The following VRK2 variants were observed in gnomAD, a reference collection of about 807,000 sequenced individuals.
VRK2 encodes VRK serine/threonine kinase 2, also known as serine/threonine-protein kinase VRK2.
A neutral mutation model predicts 57.6 loss-of-function variants in VRK2; 60 were observed. The ratio of observed to expected loss-of-function variants is 1.04; its 90% CI spans 0.85 to 1.29. VRK2 has a LOEUF of 1.29. VRK2 is among the 50% of genes most tolerant of loss of function. VRK2 has a pLI of 0.00. For synonymous variants in VRK2, 231 were observed against 199.2 expected (o/e 1.16, Z -1.35); for missense variants, 705 against 588.1 (o/e 1.20, Z -2.06).
At chr2:58,069,068 G>C (rs572977989) in intron 2 of VRK2, among the ~76,000 whole-genome samples, 1 of 151,798 alleles carries the variant, frequency 6.6e-6, no homozygotes, top group African/African-American at 2.4e-5. Context: ...CTGCTTCTTT[G>C]TATGCCTAGT....
rs538436376 is a variant in VRK2, at chr2:58,109,579, A to G, written c.544-13522A>G. Among the ~76,000 whole-genome samples, 171 of 152,320 alleles carry G rather than the reference A, an allele frequency of 1.1e-3. 1 individual carries two copies. The highest frequency in any genetic ancestry group is 3.9e-3 in the African/African-American group (164 of 41,564). On this transcript the variant is annotated intron_variant, in intron 7 of 12. Transcript: ENST00000340157. The stretch of plus-strand genomic sequence containing the variant: ...ATATGTCCTTCTTCACATGCTGGCA[A>G]GAGAGAAGTGCTGAGGGAAAGGGTG...
chr2:58,033,762 T>C (rs965987646), intron 3 of VRK2: 2 of 152,044 alleles, frequency 1.3e-5, no homozygotes, highest in East Asian at 3.9e-4. Flanking sequence ...GGTTTGATTC[T>C]TCAAAGAAGC....
intron 1 of VRK2, among the ~76,000 whole-genome samples, chr2:57,919,269 G>C (rs548614838): frequency 6.6e-6 from 1 of 152,038 alleles, no homozygotes; most frequent in East Asian, 1.9e-4. Context: ...TAAGTAGTTT[G>C]TTCCTTATTT....
chr2:58,017,121 T>C lies in VRK2; in HGVS notation c.-438-8544T>C, dbSNP rs184763941. 8.4e-4 allele frequency among the ~76,000 whole-genome samples: 128 copies of C among 152,270 alleles called. 2 individuals carry two copies. The highest frequency in any genetic ancestry group is 1.0e-3 in the Non-Finnish European group (70 of 68,010). On this transcript the variant is annotated intron_variant, in intron 1 of 15. Coordinates refer to the VRK2 transcript ENST00000417641. ...GAATTTCTGGGGAGCAGTCACAGGA[T>C]AGAAAACCCTCCACTTTGGTAAGAG...
At chr2:57,999,298 T>C (rs1280393253) in intron 1 of VRK2, among the ~76,000 whole-genome samples, 1 of 152,194 alleles carries the variant, frequency 6.6e-6, no homozygotes, top group Non-Finnish European at 1.5e-5. Context: ...TCCTTCTTTG[T>C]TTGTGTTTAC....
At chr2:58,094,748 ATTAG>A (rs1558628713) in intron 7 of VRK2, among the ~76,000 whole-genome samples, 1 of 152,096 alleles carries the variant, frequency 6.6e-6, no homozygotes, top group East Asian at 1.9e-4. Context: ...CTTCAGTAAT[ATTAG>A]TTGTTACTTT....
chr2:58,103,554 A>C (rs1674319179), intron 7 of VRK2, among the ~76,000 whole-genome samples: 2 of 151,930 alleles, frequency 1.3e-5, no homozygotes, highest in South Asian at 4.1e-4. Flanking sequence ...GAAGAAATAG[A>C]AATCCTGAAG....
chr2:57,939,282 T>C (rs1671016511), intron 1 of VRK2, among the ~76,000 whole-genome samples: 1 of 152,206 alleles, frequency 6.6e-6, no homozygotes, highest in South Asian at 2.1e-4. Context: ...AGCACTTTCA[T>C]TGTCTTTTCC....
At chr2:58,089,777 A>G (rs374584279) in intron 7 of VRK2, 54 bp downstream of exon 7, 1 of 1,288,008 alleles carries the variant, frequency 7.8e-7, no homozygotes, top group Non-Finnish European at 1.1e-6. Flanking sequence ...AAACTGAAAC[A>G]TTCAGAAAAC....
At chr2:58,041,087 G>A in intron 3 of VRK2, 1 of 984,572 alleles carries the variant, frequency 1.0e-6, no homozygotes, top group Non-Finnish European at 1.2e-6. Context: ...GAAAAAGGAT[G>A]TAGAGTGTAA....
At chr2:58,153,396 T>C (rs1316262187) in intron 12 of VRK2, among the ~76,000 whole-genome samples, 1 of 152,084 alleles carries the variant, frequency 6.6e-6, no homozygotes, top group Non-Finnish European at 1.5e-5. Context: ...CCTCCATTTC[T>C]AATGTACTAA....
intron 1 of VRK2, among the ~76,000 whole-genome samples, chr2:57,932,802 T>C (rs1017779519): frequency 2.6e-5 from 4 of 152,156 alleles, no homozygotes; most frequent in African/African-American, 4.8e-5. Flanking sequence ...ATATTTTTCT[T>C]TGTTCTTCAT....
At chr2:58,015,097 G>C (rs915305998) in intron 1 of VRK2, among the ~76,000 whole-genome samples, 1 of 152,022 alleles carries the variant, frequency 6.6e-6, no homozygotes, top group African/African-American at 2.4e-5. Context: ...TTTTATCCTG[G>C]TAGTGGCTAT....
intron 1 of VRK2, among the ~76,000 whole-genome samples, chr2:57,963,065 T>C (rs1671808985): frequency 6.6e-6 from 1 of 152,200 alleles, no homozygotes; most frequent in Non-Finnish European, 1.5e-5. Context: ...AATTGAGAAT[T>C]TGAATAGATA....
chr2:58,110,415 G>A (rs904123059), intron 7 of VRK2, among the ~76,000 whole-genome samples: 2 of 151,952 alleles, frequency 1.3e-5, no homozygotes, highest in African/African-American at 4.8e-5. Context: ...ATAACTATAT[G>A]ACAAAAAGGG....
At chr2:58,153,578 ATAT>A (rs1173303799) in intron 12 of VRK2, among the ~76,000 whole-genome samples, 2 of 152,048 alleles carry the variant, frequency 1.3e-5, no homozygotes, top group East Asian at 1.9e-4. Flanking sequence ...TCGTCATTTT[ATAT>A]TATTCTTTTT....
intron 1 of VRK2, among the ~76,000 whole-genome samples, chr2:58,002,320 T>C (rs1233209162): frequency 6.6e-6 from 1 of 151,838 alleles, no homozygotes; most frequent in Non-Finnish European, 1.5e-5. Flanking sequence ...CCACTAAAAA[T>C]ATAAAAAATT....
chr2:58,148,735 T>C (rs545632580), intron 12 of VRK2, among the ~76,000 whole-genome samples: 65 of 151,854 alleles, frequency 4.3e-4, no homozygotes, highest in African/African-American at 1.4e-3. Context: ...CTCTTTTTCA[T>C]ATAGTTTGCA....
chr2:58,016,699 C>A (rs1235766830), intron 1 of VRK2, among the ~76,000 whole-genome samples: 1 of 152,172 alleles, frequency 6.6e-6, no homozygotes, highest in Non-Finnish European at 1.5e-5. Flanking sequence ...TAAATGCAAT[C>A]TTTTAAAAAT....
Sources: gnomAD v4.1 joint callset for allele counts (sites outside exome capture counted in the v4.1 genomes callset) on GRCh38, gnomAD v4.1.1 for gene constraint, MANE v1.5 for transcripts, NCBI Gene and HGNC (gene_info 2026-07-23, HGNC 2026-07-21) for gene names.